Variants in CORO1C observed in about 807,000 individuals in gnomAD.
CORO1C encodes coronin-1C.
A neutral mutation model predicts 51.2 loss-of-function variants in CORO1C; 14 were observed. That is an observed-to-expected ratio of 0.27 (90% confidence interval 0.18 to 0.43). The LOEUF is 0.43. Ranked by LOEUF, CORO1C falls within the 20% of genes least tolerant of loss-of-function variation. CORO1C has a pLI of 1.00. For synonymous variants in CORO1C, 181 were observed against 210.5 expected (o/e 0.86, Z 1.21); for missense variants, 417 against 607.8 (o/e 0.69, Z 3.30).
intron 1 of CORO1C, chr12:108,730,278 T>G (rs1423201109): frequency 6.6e-6 from 1 of 152,250 alleles, no homozygotes; most frequent in Non-Finnish European, 1.5e-5. Flanking sequence ...GATGTGTTTC[T>G]AAATCGTGAT....
At chr12:108,718,193 A>T (rs2136884135) in intron 1 of CORO1C, among the ~76,000 whole-genome samples, 1 of 152,252 alleles carries the variant, frequency 6.6e-6, no homozygotes, top group African/African-American at 2.4e-5. Context: ...CTCTACTAAA[A>T]ATATAAAAAA....
intron 1 of CORO1C, among the ~76,000 whole-genome samples, chr12:108,717,204 CA>C (rs1430514157): frequency 6.6e-6 from 1 of 152,146 alleles, no homozygotes; most frequent in Non-Finnish European, 1.5e-5. Flanking sequence ...GGAGGAACAA[CA>C]AAATATCAAA....
intron 2 of CORO1C, chr12:108,700,912 G>C (rs2034846953): frequency 5.4e-6 from 3 of 552,168 alleles, no homozygotes; most frequent in Non-Finnish European, 9.6e-6. Flanking sequence ...ATCCATAGAG[G>C]GCATCCCCAG....
At chr12:108,665,562 CAGTT>C (rs139979598) in intron 3 of CORO1C, among the ~76,000 whole-genome samples, 17,313 of 152,114 alleles carry the variant, frequency 0.11, 1,391 homozygotes, top group African/African-American at 0.22. Context: ...GTGATACAGA[CAGTT>C]AGAGAGTGAG....
rs1158412223 is a variant in CORO1C, at chr12:108,684,770, ATG to A, written c.196-6378_196-6377del. Among the ~76,000 whole-genome samples, 7 of 152,320 alleles carry A rather than the reference ATG, an allele frequency of 4.6e-5. No homozygotes were observed. In the East Asian group the frequency reaches 1.2e-3, roughly 25 times the overall value. ...AACATCTGTTTAATCTTGTGAGTAC[ATG>A]TGTGTCCTATTATTTTGATACATCT... On this transcript the variant is annotated intron_variant, in intron 2 of 10. Coordinates refer to ENST00000261401, the MANE Select transcript of CORO1C (RefSeq NM_014325.4).
chr12:108,727,799 TG>T (rs778248198), intron 1 of CORO1C, among the ~76,000 whole-genome samples: 1 of 151,742 alleles, frequency 6.6e-6, no homozygotes, highest in Non-Finnish European at 1.5e-5. Context: ...ATCAAGAAAA[TG>T]AAAGGACATG....
At position 108,701,165 on chromosome 12, in the gene CORO1C, C is replaced by G; in HGVS notation, c.154G>C (p.Ala52Pro). 1 of 1,614,154 alleles carries G rather than the reference C, an allele frequency of 6.2e-7. No individual in the cohort carries two copies. Among genetic ancestry groups the G allele is most frequent in the Non-Finnish European group, 8.5e-7 (1 of 1,180,018 alleles). Residue 52 changes from alanine to proline, a missense_variant, in exon 2 of 11, where the codon GCA becomes CCA. Physicochemically the swap from Ala to Pro is conservative, Grantham distance 27. Coordinates refer to ENST00000261401, the MANE Select transcript of CORO1C (RefSeq NM_014325.4). ...NPRFVAIIIE[A>P]SGGGAFLVLP... ...ACAAGGAACGCTCCTCCCCCACTTG[C>G]CTCTATGATTATGGCAACAAATCTG...
chr12:108,675,040 G>A (rs1344542334), intron 3 of CORO1C, among the ~76,000 whole-genome samples: 1 of 152,108 alleles, frequency 6.6e-6, no homozygotes, highest in Non-Finnish European at 1.5e-5. Flanking sequence ...CAATCAGTAT[G>A]ACAAACTTTA....
At chr12:108,679,512 A>G (rs2034048901) in intron 2 of CORO1C, among the ~76,000 whole-genome samples, 1 of 152,266 alleles carries the variant, frequency 6.6e-6, no homozygotes, top group Non-Finnish European at 1.5e-5. Flanking sequence ...GCTTAATGCC[A>G]GTCCACGCTG....
At chr12:108,685,329 G>A (rs1464612700) in intron 2 of CORO1C, among the ~76,000 whole-genome samples, 2 of 152,066 alleles carry the variant, frequency 1.3e-5, no homozygotes, top group Non-Finnish European at 2.9e-5. Flanking sequence ...GAACCTGAAT[G>A]TCACTGAAAG....
At chr12:108,722,505 A>G (rs1363094589) in intron 1 of CORO1C, among the ~76,000 whole-genome samples, 1 of 152,188 alleles carries the variant, frequency 6.6e-6, no homozygotes, top group African/African-American at 2.4e-5. Flanking sequence ...TCACATGACT[A>G]CCAGCTCCCA....
At chr12:108,725,068 C>G (rs2035555938) in intron 1 of CORO1C, among the ~76,000 whole-genome samples, 1 of 152,184 alleles carries the variant, frequency 6.6e-6, no homozygotes, top group Admixed American at 6.5e-5. Context: ...CAGACAGACA[C>G]ACAGACAGAG....
At chr12:108,706,204 AC>A (rs1592934329) in intron 1 of CORO1C, among the ~76,000 whole-genome samples, 8 of 151,254 alleles carry the variant, frequency 5.3e-5, no homozygotes, top group Non-Finnish European at 8.8e-5. Flanking sequence ...AACAAAAAAA[AC>A]AAAAAAAAAG....
chr12:108,661,504 TTCTC>T (rs1384208441), intron 4 of CORO1C, among the ~76,000 whole-genome samples: 1 of 152,204 alleles, frequency 6.6e-6, no homozygotes, highest in Non-Finnish European at 1.5e-5. Context: ...AATAATGATC[TTCTC>T]TCTGAGTGGT....
chr12:108,658,538 G>A lies in CORO1C; in HGVS notation c.630+200C>T, dbSNP rs1316393500. Among the ~76,000 whole-genome samples, 1 of 152,212 alleles carries A rather than the reference G, an allele frequency of 6.6e-6. No individual in the cohort carries two copies. The highest frequency in any genetic ancestry group is 2.1e-4 in the South Asian group (1 of 4,828). On this transcript the variant is annotated intron_variant, in intron 5 of 10. Transcript: ENST00000261401. This position sits in a 1 kb window ranked among gnomAD's most constrained non-coding sequence, Gnocchi z 4.9. ...AAAGGCTACAAAGTGAGAGACTTGA[G>A]TAAAAGCTGGAAAATTTACAACTCT...
chr12:108,664,151 T>C (rs1222101597), intron 3 of CORO1C, among the ~76,000 whole-genome samples: 2 of 152,194 alleles, frequency 1.3e-5, no homozygotes, highest in East Asian at 3.8e-4. Context: ...ATCTTCTACA[T>C]GAAGATTAAA....
chr12:108,715,923 GGAA>G (rs930352395), intron 1 of CORO1C, among the ~76,000 whole-genome samples: 10 of 151,706 alleles, frequency 6.6e-5, no homozygotes, highest in Non-Finnish European at 1.5e-4. Context: ...CACAAGGTCA[GGAA>G]ATGAGACCAT....
intron 3 of CORO1C, among the ~76,000 whole-genome samples, chr12:108,675,433 A>G (rs1187789297): frequency 6.6e-6 from 1 of 152,222 alleles, no homozygotes; most frequent in African/African-American, 2.4e-5. Context: ...GATAAGAATT[A>G]TAATGGATTG....
intron 1 of CORO1C, among the ~76,000 whole-genome samples, chr12:108,705,059 T>C (rs953224016): frequency 3.9e-5 from 6 of 152,196 alleles, no homozygotes; most frequent in South Asian, 2.1e-4. Context: ...CTAGCTACTA[T>C]TGTCATCCTA....
Sources: gnomAD v4.1 joint callset for allele counts (sites outside exome capture counted in the v4.1 genomes callset) on GRCh38, gnomAD v4.1.1 for gene constraint, Gnocchi (gnomAD v3.1) non-coding constraint, MANE v1.5 for transcripts, NCBI Gene and HGNC (gene_info 2026-07-23, HGNC 2026-07-21) for gene names.